Variants in ZC3H7A observed in about 807,000 individuals in gnomAD.
ZC3H7A encodes the protein zinc finger CCCH domain-containing protein 7A.
Under a neutral mutation model 125.5 loss-of-function variants are expected in ZC3H7A, and 44 were observed. The observed-to-expected ratio is 0.35, with a 90% confidence interval of 0.28 to 0.45. The LOEUF is 0.45. ZC3H7A is among the 20% of genes least tolerant of loss of function. The pLI, the probability that ZC3H7A is intolerant of heterozygous loss-of-function variation, is 1.00. For synonymous variants in ZC3H7A, 399 were observed against 391.2 expected, an observed-to-expected ratio of 1.02 and a Z score of -0.23; for missense variants, 977 against 1,170.7, an observed-to-expected ratio of 0.83 and a Z score of 2.41.
chr16:11,774,583 C>T, intron 8 of ZC3H7A, 64 bp from the exon 9 acceptor site: 5 of 1,434,234 alleles, frequency 3.5e-6, no homozygotes, highest in Non-Finnish European at 4.6e-6. Flanking sequence ...TACCATTAAT[C>T]CCCAATAATA....
rs114245006 is a variant in ZC3H7A, at chr16:11,794,533, T to C, written c.-35+2591A>G. Among the ~76,000 whole-genome samples, 1,181 of 152,250 alleles carry C rather than the reference T, an allele frequency of 7.8e-3. 16 individuals are homozygous for C. Among genetic ancestry groups the C allele is most frequent in the African/African-American group, 0.027 (1,118 of 41,548 alleles). ...TTCATAAGGATTCTGGAGAAAAATA[T>C]TTTCACTAGAAAAAAAACAAAACAA... On this transcript the variant is annotated intron_variant, in intron 1 of 22. Transcript: ENST00000355758.
intron 16 of ZC3H7A, 23 bp downstream of exon 16, chr16:11,763,451 ATACT>A: frequency 6.3e-7 from 1 of 1,586,154 alleles, no homozygotes; most frequent in African/African-American, 1.4e-5. Context: ...TTGAGGAGAC[ATACT>A]TCTCAGTCGC....
At chr16:11,775,122 C>T in intron 7 of ZC3H7A, 109 bp from the exon 8 acceptor site, 1 of 1,213,098 alleles carries the variant, frequency 8.2e-7, no homozygotes, top group Middle Eastern at 2.3e-4. Flanking sequence ...CCTGTAATCC[C>T]AGCACCTGGG....
At chr16:11,770,685 A>G (rs1162818086) in intron 10 of ZC3H7A, 98 bp downstream of exon 10, 2 of 1,103,682 alleles carry the variant, frequency 1.8e-6, no homozygotes, top group Non-Finnish European at 2.6e-6. Context: ...AATAATTCAC[A>G]TGTCTACTAC....
intron 9 of ZC3H7A, among the ~76,000 whole-genome samples, chr16:11,771,931 A>C (rs2052990152): frequency 6.6e-6 from 1 of 152,050 alleles, no homozygotes; most frequent in African/African-American, 2.4e-5. Flanking sequence ...ATGGTGGCTC[A>C]CACCTGTAAT....
chr16:11,776,915 G>A lies in ZC3H7A; in HGVS notation c.307-6C>T, dbSNP rs200887664. 36 of 1,570,528 alleles carry A rather than the reference G, an allele frequency of 2.3e-5. No homozygotes were observed. The African/African-American group carries it at 4.6e-4, about 20-fold the overall frequency. ...AAAACTTTATCATGGAAACCCTGGT[G>A]TGTAAGACCAAAGAATAAAGTCAGC... On this transcript the variant is annotated splice_polypyrimidine_tract_variant and splice_region_variant and intron_variant, in intron 4 of 22. Transcript: ENST00000355758.
chr16:11,766,864 C>A (rs1023944398), intron 13 of ZC3H7A, among the ~76,000 whole-genome samples: 1 of 152,098 alleles, frequency 6.6e-6, no homozygotes, highest in East Asian at 1.9e-4. Context: ...GCCTGGATGA[C>A]AGAATGAGAC....
chr16:11,755,912 C>T (rs940898595), intron 21 of ZC3H7A, among the ~76,000 whole-genome samples: 1 of 152,142 alleles, frequency 6.6e-6, no homozygotes. Context: ...CGCTTGTAAT[C>T]CCAGCACTTT....
intron 21 of ZC3H7A, among the ~76,000 whole-genome samples, chr16:11,754,893 C>CAA (rs35345665): frequency 2.7e-3 from 185 of 68,678 alleles, no homozygotes; most frequent in Non-Finnish European, 2.9e-3. Flanking sequence ...CTCCGTCTCA[C>CAA]AAAAAAAAAA....
In ZC3H7A at chr16:11,774,532, T is replaced by A. The variant is rs779887865; in HGVS notation, c.620-13A>T. ...GGAGTTAATAAATCTGTAACACAGATGGAAATGTACTCAGTCACTTTCATC... is the reference window on the plus strand; with the variant it reads ...GGAGTTAATAAATCTGTAACACAGAAGGAAATGTACTCAGTCACTTTCATC... On this transcript the variant is annotated splice_polypyrimidine_tract_variant and intron_variant, in intron 8 of 22. Coordinates refer to ENST00000355758, the MANE Select transcript of ZC3H7A (RefSeq NM_014153.4). 6.6e-7 allele frequency: 1 copy of A among 1,510,652 alleles called. No homozygotes were observed. The highest frequency in any genetic ancestry group is 2.2e-5 in the Admixed American group (1 of 45,102). 93.6% of individuals were successfully genotyped at this position (1,510,652 alleles called of 1,614,324 possible).
intron 19 of ZC3H7A, among the ~76,000 whole-genome samples, chr16:11,761,025 A>C (rs920561779): frequency 6.6e-6 from 1 of 152,194 alleles, no homozygotes; most frequent in Non-Finnish European, 1.5e-5. Flanking sequence ...GATAAAAACA[A>C]ACTCATCAAT....
At chr16:11,760,093 C>G (rs1193626131) in intron 19 of ZC3H7A, among the ~76,000 whole-genome samples, 2 of 136,784 alleles carry the variant, frequency 1.5e-5, no homozygotes, top group African/African-American at 5.7e-5. Context: ...ACATTGCACT[C>G]CAGCCTGGGT....
chr16:11,771,651 C>A (rs2052984907), intron 9 of ZC3H7A, among the ~76,000 whole-genome samples: 1 of 151,658 alleles, frequency 6.6e-6, no homozygotes, highest in Admixed American at 6.6e-5. Flanking sequence ...CAGGCATGCG[C>A]CACCTCGCCC....
Position 11,763,647 on chromosome 16 carries a change from G to A in ZC3H7A, c.1833C>T (p.His611=), listed in dbSNP as rs764607712. The stretch of plus-strand genomic sequence containing the variant: ...ATTTTACTGTTGTCTCTCGCAAAAT[G>A]TGGACAAGGCACCTAAGATGAAAAC... The part of the protein sequence containing the change: ...HEFEDNKCLV[H]ILRETTVKYS... Residue 611 remains histidine, a synonymous_variant, in exon 16 of 23, where the codon CAC becomes CAT. Transcript: ENST00000355758. 9 of 1,564,754 alleles carry A rather than the reference G, an allele frequency of 5.8e-6. No homozygotes were observed. Among genetic ancestry groups the A allele is most frequent in the Non-Finnish European group, 6.9e-6 (8 of 1,153,514 alleles).
At chr16:11,768,224 ATGT>A in intron 12 of ZC3H7A, 88 bp downstream of exon 12, 1 of 1,220,966 alleles carries the variant, frequency 8.2e-7, no homozygotes, top group Non-Finnish European at 1.1e-6. Context: ...ATAATAACTG[ATGT>A]TGTTAACATG....
At chr16:11,770,441 G>C (rs1335190404) in intron 10 of ZC3H7A, among the ~76,000 whole-genome samples, 1 of 152,132 alleles carries the variant, frequency 6.6e-6, no homozygotes, top group Non-Finnish European at 1.5e-5. Flanking sequence ...GAATTTAATA[G>C]CATAGCCTGT....
At chr16:11,790,988 G>A (rs933631326) in intron 1 of ZC3H7A, among the ~76,000 whole-genome samples, 1 of 151,700 alleles carries the variant, frequency 6.6e-6, no homozygotes, top group Non-Finnish European at 1.5e-5. Context: ...GAGGAAGATC[G>A]CTTAAGCCCA....
intron 1 of ZC3H7A, among the ~76,000 whole-genome samples, chr16:11,792,871 A>C (rs1463094323): frequency 6.6e-6 from 1 of 152,194 alleles, no homozygotes; most frequent in Non-Finnish European, 1.5e-5. Flanking sequence ...TGAAAGACAA[A>C]TATGGCTCTG....
chr16:11,785,993 A>G (rs2053251378), intron 1 of ZC3H7A, among the ~76,000 whole-genome samples: 1 of 152,142 alleles, frequency 6.6e-6, no homozygotes, highest in Non-Finnish European at 1.5e-5. Flanking sequence ...ATAGTCCCAG[A>G]TGGAATCATG....
Sources: allele counts gnomAD v4.1 joint callset (sites outside exome capture counted in the v4.1 genomes callset), GRCh38; gene constraint gnomAD v4.1.1; transcripts MANE v1.5; gene names NCBI Gene and HGNC (gene_info 2026-07-23, HGNC 2026-07-21).